ACTR3B: variants seen among roughly 807,000 people sequenced by gnomAD.
The protein encoded by ACTR3B is actin-related protein 3B.
In ACTR3B, 8 loss-of-function variants were observed where a neutral mutation model predicts 59.0. The ratio of observed to expected loss-of-function variants is 0.14; its 90% confidence interval spans 0.08 to 0.24. The LOEUF (loss-of-function observed/expected upper bound fraction) is 0.24. Ranked by LOEUF, ACTR3B falls within the 10% of genes least tolerant of loss-of-function variation. ACTR3B has a pLI of 1.00. For missense variants in ACTR3B, 245 were observed against 552.3 expected, an observed-to-expected ratio of 0.44 and a Z score of 5.58; for synonymous variants, 148 against 197.9, an observed-to-expected ratio of 0.75 and a Z score of 2.12.
chr7:152,852,054 C>G, intron 9 of ACTR3B, 72 bp from the exon 10 acceptor site: 1 of 1,607,048 alleles, frequency 6.2e-7, no homozygotes, highest in Non-Finnish European at 8.5e-7. Context: ...TGTGGGAGTT[C>G]TGTTGTGGGT....
At chr7:152,848,304 TC>T (rs1798522685) in intron 9 of ACTR3B, among the ~76,000 whole-genome samples, 1 of 152,164 alleles carries the variant, frequency 6.6e-6, no homozygotes, top group Admixed American at 6.5e-5. Flanking sequence ...ACCCCAGGCT[TC>T]CTTGGGGCAC....
At chr7:152,849,121 T>C (rs909945088) in intron 9 of ACTR3B, among the ~76,000 whole-genome samples, 1 of 152,202 alleles carries the variant, frequency 6.6e-6, no homozygotes, top group African/African-American at 2.4e-5. Context: ...GACAGAGTTT[T>C]GAGAAAGCAA....
In ACTR3B at chr7:152,825,047, T is replaced by C. The variant is rs1313810469; in HGVS notation, c.876T>C (p.Phe292=). The change falls in exon 9 of 12, where the codon TTT becomes TTC. Residue 292 remains phenylalanine, a synonymous_variant. Transcript: ENST00000256001. ...CAATTCAGTTTGCCAACCCAGACTT[T>C]ATGGAGTCCATCTCAGATGTTGTTG... is the stretch of plus-strand genomic sequence containing the variant. ...FFHPEFANPD[F]MESISDVVDE... 3.1e-6 allele frequency: 5 copies of C among 1,613,298 alleles called. No individual in the cohort carries two copies. The highest frequency in any genetic ancestry group is 1.6e-4 in the Middle Eastern group (1 of 6,074).
chr7:152,848,809 G>A (rs1411658214), intron 9 of ACTR3B, among the ~76,000 whole-genome samples: 6 of 152,328 alleles, frequency 3.9e-5, no homozygotes, highest in African/African-American at 1.4e-4. Context: ...ATATAACCCT[G>A]TTTACGTGAT....
At chr7:152,775,334 T>C (rs2098133869) in intron 1 of ACTR3B, among the ~76,000 whole-genome samples, 1 of 151,840 alleles carries the variant, frequency 6.6e-6, no homozygotes, top group Non-Finnish European at 1.5e-5. Flanking sequence ...CAATTATATA[T>C]AAATATGTTG....
chr7:152,784,947 C>T (rs2116626505), intron 2 of ACTR3B, among the ~76,000 whole-genome samples: 1 of 152,170 alleles, frequency 6.6e-6, no homozygotes, highest in Admixed American at 6.5e-5. Context: ...ATGGTTCAGT[C>T]CATGACAATT....
rs749092596 is a variant in ACTR3B, at chr7:152,825,017, A to T, written c.859-13A>T. On this transcript the variant is annotated splice_polypyrimidine_tract_variant and intron_variant, in intron 8 of 11. Transcript: ENST00000256001. ...AATGTGTAATGTTTCTTTTATATTG[A>T]TACACAATTCAGTTTGCCAACCCAG... The T allele has an allele frequency of 6.2e-7, 1 of 1,610,862 alleles. No individual in the cohort carries two copies. The highest frequency in any genetic ancestry group is 1.1e-5 in the South Asian group (1 of 90,302).
intron 9 of ACTR3B, among the ~76,000 whole-genome samples, chr7:152,837,265 C>T (rs1797537998): frequency 6.6e-6 from 1 of 152,206 alleles, no homozygotes; most frequent in Non-Finnish European, 1.5e-5. Context: ...TTAGAGTAAG[C>T]ACTGTTGCTT....
intron 1 of ACTR3B, among the ~76,000 whole-genome samples, chr7:152,771,690 A>C (rs1477055365): frequency 1.3e-5 from 2 of 152,226 alleles, no homozygotes; most frequent in Non-Finnish European, 2.9e-5. Flanking sequence ...GAATATAATG[A>C]AAGATCATAT....
chr7:152,788,745 G>T (rs1391115237), intron 2 of ACTR3B, among the ~76,000 whole-genome samples: 2 of 152,124 alleles, frequency 1.3e-5, no homozygotes, highest in East Asian at 3.9e-4. Context: ...TACAGGCCAG[G>T]CGCAGTGGTT....
intron 1 of ACTR3B, among the ~76,000 whole-genome samples, chr7:152,770,200 A>G (rs557511664): frequency 4.9e-4 from 75 of 152,246 alleles, no homozygotes; most frequent in African/African-American, 1.7e-3. Flanking sequence ...AACCAAAAAT[A>G]GAGAAGAAAA....
At chr7:152,827,318 T>C (rs1280492861) in intron 9 of ACTR3B, among the ~76,000 whole-genome samples, 2 of 152,080 alleles carry the variant, frequency 1.3e-5, no homozygotes, top group African/African-American at 2.4e-5. Flanking sequence ...TCCAGTGTTA[T>C]GAGTGCCTTG....
rs772283938 is a variant in ACTR3B, at chr7:152,823,498, A to G, written c.841A>G (p.Ile281Val). ...TTACGAAAGATTCCTGGGACCTGAA[A>G]TATTCTTTCACCCGGAGGTGAGATG... ...VGYERFLGPEIFFHPEFANPD... is the reference protein window; with the variant it reads ...VGYERFLGPEVFFHPEFANPD... Residue 281 changes from isoleucine (I) to valine (V), a missense_variant, in exon 8 of 12, where the codon ATA becomes GTA. Coordinates refer to ENST00000256001, the MANE Select transcript of ACTR3B (RefSeq NM_020445.6). 5.0e-6 allele frequency: 8 copies of G among 1,614,132 alleles called. No homozygotes were observed. The highest frequency in any genetic ancestry group is 4.5e-5 in the East Asian group (2 of 44,878).
At chr7:152,802,772 A>G (rs2098240692) in intron 4 of ACTR3B, among the ~76,000 whole-genome samples, 1 of 152,220 alleles carries the variant, frequency 6.6e-6, no homozygotes, top group Non-Finnish European at 1.5e-5. Context: ...CAATTATAAA[A>G]TTCTTTCTGA....
chr7:152,763,116 GAC>G (rs2098095316), intron 1 of ACTR3B, among the ~76,000 whole-genome samples: 1 of 151,972 alleles, frequency 6.6e-6, no homozygotes, highest in Admixed American at 6.6e-5. Flanking sequence ...AGGAGTTCGA[GAC>G]CAACCTGGCC....
intron 1 of ACTR3B, among the ~76,000 whole-genome samples, chr7:152,761,306 C>T (rs756812281): frequency 1.3e-5 from 2 of 152,180 alleles, no homozygotes; most frequent in African/African-American, 2.4e-5. Context: ...CCTCAGGTCC[C>T]CTCAGGTCTG....
At chr7:152,760,039 G>T (rs962540533) in intron 1 of ACTR3B, 113 bp downstream of exon 1, 1 of 1,001,368 alleles carries the variant, frequency 1.0e-6, no homozygotes, top group East Asian at 3.4e-5. Context: ...TGAGCCCCGC[G>T]ATCACCTGGG....
At position 152,829,057 on chromosome 7, in the gene ACTR3B, T is replaced by TATATATATAC. The variant is rs1390377342; in HGVS notation, c.951+3936_951+3937insTATATATACA. 2.5e-3 allele frequency among the ~76,000 whole-genome samples: 368 copies of TATATATATAC among 144,758 alleles called. 8 individuals are homozygous for TATATATATAC. In the East Asian group the frequency reaches 0.028, roughly 11 times the overall value. 95.0% of individuals were successfully genotyped at this position (144,758 alleles called of 152,430 possible). ...TTGTGTGTGTGTGTATATATATATA[T>TATATATATAC]ACACACACACACACACATCAAGAGC... On this transcript the variant is annotated intron_variant, in intron 9 of 11. Transcript: ENST00000256001.
At position 152,759,758 on chromosome 7, in the gene ACTR3B, G is replaced by A. The variant is rs1196721161; in HGVS notation, c.-125G>A. 3 of 723,710 alleles carry A rather than the reference G, an allele frequency of 4.1e-6. No homozygotes were observed. Among genetic ancestry groups the A allele is most frequent in the East Asian group, 7.5e-5 (1 of 13,386 alleles). The allele number at this position is 723,710 out of a possible 1,614,324, so 44.8% of individuals were successfully genotyped here. A position where few individuals can be genotyped will look rare whatever the true frequency, so the allele number is the denominator to read the frequency against. ...CACGTGTCGGCCGCCGAGCATCCGG[G>A]CTCCCGGCAGCGGCGCTGCGGCGGC... On this transcript the variant is annotated 5_prime_UTR_variant, in exon 1 of 12. Coordinates refer to ENST00000256001, the MANE Select transcript of ACTR3B (RefSeq NM_020445.6).
Sources: allele counts gnomAD v4.1 joint callset (sites outside exome capture counted in the v4.1 genomes callset), GRCh38; gene constraint gnomAD v4.1.1; transcripts MANE v1.5; gene names NCBI Gene and HGNC (gene_info 2026-07-23, HGNC 2026-07-21).